VWC2L: variants seen among roughly 807,000 people sequenced by gnomAD.
VWC2L encodes the protein von Willebrand factor C domain-containing protein 2-like.
VWC2L carries 10 observed loss-of-function variants against 21.6 expected under a neutral mutation model. That is an observed-to-expected ratio of 0.46 (90% confidence interval 0.29 to 0.78). The LOEUF is 0.78. VWC2L is among the 30% of genes least tolerant of loss of function. The pLI, the probability that VWC2L is intolerant of heterozygous loss-of-function variation, is 0.10. For missense variants in VWC2L, 209 were observed against 277.1 expected (o/e 0.75, Z 1.74); for synonymous variants, 96 against 94.3 (o/e 1.02, Z -0.10).
At chr2:214,483,679 G>A (rs750366404) in intron 3 of VWC2L, among the ~76,000 whole-genome samples, 10 of 152,310 alleles carry the variant, frequency 6.6e-5, no homozygotes, top group South Asian at 2.1e-4. Flanking sequence ...ATAACAGTAC[G>A]TGTGCTTGTC....
chr2:214,569,167 TCCAGGG>T (rs773972271), intron 3 of VWC2L, among the ~76,000 whole-genome samples: 1 of 152,166 alleles, frequency 6.6e-6, no homozygotes, highest in Non-Finnish European at 1.5e-5. Context: ...ATCACACAGT[TCCAGGG>T]CCTGTGAGGG....
intron 3 of VWC2L, among the ~76,000 whole-genome samples, chr2:214,551,571 C>G (rs1214708385): frequency 6.6e-6 from 1 of 152,218 alleles, no homozygotes; most frequent in East Asian, 1.9e-4. Flanking sequence ...TTTCTCATTT[C>G]TGTTAATGAC....
chr2:214,498,874 T>C (rs1688850087), intron 3 of VWC2L, among the ~76,000 whole-genome samples: 2 of 151,484 alleles, frequency 1.3e-5, no homozygotes, highest in Admixed American at 1.3e-4. Flanking sequence ...TGTAAACCAT[T>C]GTCTTATTCA....
intron 3 of VWC2L, among the ~76,000 whole-genome samples, chr2:214,551,928 A>C (rs1448473520): frequency 6.6e-6 from 1 of 152,244 alleles, no homozygotes; most frequent in Non-Finnish European, 1.5e-5. Context: ...GTAAAATGAA[A>C]TAGCATCATT....
intron 3 of VWC2L, among the ~76,000 whole-genome samples, chr2:214,565,927 GTGGACAGTC>G (rs1559333207): frequency 1.3e-5 from 2 of 152,130 alleles, no homozygotes; most frequent in African/African-American, 4.8e-5. Flanking sequence ...GAACTGAAAC[GTGGACAGTC>G]TGGCTCCAGG....
intron 3 of VWC2L, among the ~76,000 whole-genome samples, chr2:214,518,324 T>C (rs1389692398): frequency 2.6e-5 from 4 of 152,240 alleles, no homozygotes; most frequent in Non-Finnish European, 5.9e-5. Flanking sequence ...AATAAACTTA[T>C]TTCATTAGTT....
At chr2:214,509,742 T>C (rs995949793) in intron 3 of VWC2L, among the ~76,000 whole-genome samples, 5 of 152,246 alleles carry the variant, frequency 3.3e-5, no homozygotes, top group African/African-American at 9.6e-5. Flanking sequence ...AATAACTTTC[T>C]CTACCCCAGT....
intron 3 of VWC2L, among the ~76,000 whole-genome samples, chr2:214,506,836 T>A (rs914917465): frequency 6.6e-6 from 1 of 152,140 alleles, no homozygotes; most frequent in South Asian, 2.1e-4. Flanking sequence ...ATACAATGTT[T>A]TGTGAACAAT....
chr2:214,502,462 T>A (rs1688908233), intron 3 of VWC2L, among the ~76,000 whole-genome samples: 2 of 151,904 alleles, frequency 1.3e-5, no homozygotes, highest in Non-Finnish European at 2.9e-5. Flanking sequence ...CCCTGCTACT[T>A]GGGAGGCTGA....
intron 3 of VWC2L, among the ~76,000 whole-genome samples, chr2:214,479,900 C>T (rs1375283888): frequency 2.0e-5 from 3 of 152,094 alleles, no homozygotes; most frequent in Admixed American, 1.3e-4. Context: ...TCTGTGGTTC[C>T]GCATCCATGG....
chr2:214,470,029 A>G (rs939739563), intron 3 of VWC2L, among the ~76,000 whole-genome samples: 1 of 152,224 alleles, frequency 6.6e-6, no homozygotes, highest in Non-Finnish European at 1.5e-5. Flanking sequence ...AAGCAAAGCA[A>G]AAGGCAGAAT....
chr2:214,537,365 T>G (rs1359215979), intron 3 of VWC2L, among the ~76,000 whole-genome samples: 3 of 151,934 alleles, frequency 2.0e-5, no homozygotes, highest in Non-Finnish European at 4.4e-5. Context: ...ATGTCACATG[T>G]GGCAACATGG....
At chr2:214,474,288 A>G (rs1688466475) in intron 3 of VWC2L, among the ~76,000 whole-genome samples, 1 of 152,200 alleles carries the variant, frequency 6.6e-6, no homozygotes, top group African/African-American at 2.4e-5. Context: ...GCAGCATGGC[A>G]TAATAGGATA....
intron 3 of VWC2L, among the ~76,000 whole-genome samples, chr2:214,516,100 T>G (rs1689137316): frequency 1.3e-5 from 2 of 152,140 alleles, no homozygotes; most frequent in Non-Finnish European, 2.9e-5. Context: ...TTTTCATCTC[T>G]TCCTGACTCA....
At chr2:214,462,770 G>A (rs1336571668) in intron 3 of VWC2L, among the ~76,000 whole-genome samples, 3 of 151,954 alleles carry the variant, frequency 2.0e-5, no homozygotes, top group Non-Finnish European at 2.9e-5. Context: ...TTCTAATACC[G>A]TAAGCTTTTC....
intron 3 of VWC2L, among the ~76,000 whole-genome samples, chr2:214,466,316 C>T (rs1022502855): frequency 6.6e-6 from 1 of 152,022 alleles, no homozygotes; most frequent in Non-Finnish European, 1.5e-5. Flanking sequence ...CTCCACTTCT[C>T]ACTTGCATGT....
At chr2:214,471,315 T>A (rs1449390680) in intron 3 of VWC2L, among the ~76,000 whole-genome samples, 1 of 152,212 alleles carries the variant, frequency 6.6e-6, no homozygotes, top group Non-Finnish European at 1.5e-5. Flanking sequence ...AGGCAATTCA[T>A]AGAAACTCAT....
At chr2:214,423,437 C>T (rs926539204) in intron 2 of VWC2L, among the ~76,000 whole-genome samples, 7 of 152,122 alleles carry the variant, frequency 4.6e-5, no homozygotes, top group Non-Finnish European at 1.0e-4. Context: ...TAATATGTCA[C>T]TTTCCTGTGA....
chr2:214,423,522 A>C (rs1488203729), intron 2 of VWC2L, among the ~76,000 whole-genome samples: 1 of 152,138 alleles, frequency 6.6e-6, no homozygotes, highest in Non-Finnish European at 1.5e-5. Flanking sequence ...TTTCCAATAA[A>C]TATGTTGGAT....
Sources: allele counts gnomAD v4.1 joint callset (sites outside exome capture counted in the v4.1 genomes callset), GRCh38; gene constraint gnomAD v4.1.1; transcripts MANE v1.5; gene names NCBI Gene and HGNC (gene_info 2026-07-23, HGNC 2026-07-21).